The following CCDC57 variants were observed in gnomAD, a reference collection of about 807,000 sequenced individuals.
The protein encoded by CCDC57 is coiled-coil domain-containing protein 57.
A neutral mutation model predicts 118.9 loss-of-function variants in CCDC57; 118 were observed. That is an observed-to-expected ratio of 0.99 (90% CI 0.86 to 1.16). The LOEUF (loss-of-function observed/expected upper bound fraction) is 1.16. CCDC57 is among the 50% of genes most tolerant of loss of function. The probability of loss-of-function intolerance (pLI) is 0.00; values close to 1 mark genes in which losing one functional copy is unlikely to be tolerated. For missense variants in CCDC57, 1,300 were observed against 1,320.7 expected (o/e 0.98, Z 0.24); for synonymous variants, 527 against 532.9 (o/e 0.99, Z 0.15).
rs528014880 is a variant in CCDC57, at chr17:82,198,573, C to A, written c.408-151G>T. ...ACCCACGGGGTAGCAGAACTTCCAG[C>A]CCCACCTGGACCAGCATGCTACACC... On this transcript the variant is annotated intron_variant, in intron 3 of 19. Transcript: ENST00000665763. The A allele has an allele frequency of 2.5e-4, 149 of 597,194 alleles. 1 individual carries two copies. In the South Asian group the frequency reaches 2.7e-3, roughly 11 times the overall value. The allele number at this position is 597,194 out of a possible 1,614,324, so 37.0% of individuals were successfully genotyped here.
At chr17:82,194,198 A>G (rs1161435703) in intron 5 of CCDC57, 59 bp from the exon 5 acceptor site, 10 of 1,547,418 alleles carry the variant, frequency 6.5e-6, no homozygotes, top group African/African-American at 1.4e-5. Flanking sequence ...CTGAGGCATT[A>G]GGGGTACATA....
At chr17:82,122,171 T>G (rs7212441) in intron 19 of CCDC57, among the ~76,000 whole-genome samples, 81,434 of 151,996 alleles carry the variant, frequency 0.54, 22,659 homozygotes, top group Non-Finnish European at 0.58. Context: ...CCTTCCTCCT[T>G]CAGAGCCTGT....
At chr17:82,123,697 T>C (rs910014003) in intron 19 of CCDC57, among the ~76,000 whole-genome samples, 1 of 152,074 alleles carries the variant, frequency 6.6e-6, no homozygotes, top group Non-Finnish European at 1.5e-5. Flanking sequence ...GTAAAAATAT[T>C]AGAAATCAGT....
rs569085318 is a variant in CCDC57 at position 82,151,744 on chromosome 17, G to A, written c.2271C>T (p.Ala757=). 1.4e-5 allele frequency: 21 copies of A among 1,550,074 alleles called. 1 individual carries two copies. Among genetic ancestry groups the A allele is most frequent in the South Asian group, 2.4e-5 (2 of 84,048 alleles). Reference sequence around the variant, plus strand: ...GCAGGAAAAGCTCCCCCTGGTCCTCGGCCTCCATAGGCCCTCTCTTGGTGA... The same window carrying A: ...GCAGGAAAAGCTCCCCCTGGTCCTCAGCCTCCATAGGCCCTCTCTTGGTGA... Residue 757 remains alanine, a synonymous_variant, in exon 16 of 20, where the codon GCC becomes GCT. Coordinates refer to ENST00000665763, the Ensembl canonical transcript of CCDC57.
chr17:82,160,873 C>CAA (rs55750984), intron 14 of CCDC57, among the ~76,000 whole-genome samples: 47 of 60,832 alleles, frequency 7.7e-4, no homozygotes, highest in African/African-American at 2.3e-3. Context: ...GACTCTGTCT[C>CAA]AAAAAAAAAA....
intron 5 of CCDC57, 63 bp from the exon 5 acceptor site, chr17:82,194,202 G>A: frequency 1.3e-6 from 2 of 1,492,310 alleles, no homozygotes; most frequent in Non-Finnish European, 1.8e-6. Flanking sequence ...GGCATTAGGG[G>A]TACATACTGC....
chr17:82,193,701 C>T (rs1568442159), intron 7 of CCDC57, 55 bp downstream of exon 6: 10 of 1,501,500 alleles, frequency 6.7e-6, no homozygotes, highest in Middle Eastern at 1.7e-4. Flanking sequence ...TTCCACTTCC[C>T]TCCTCTCCTG....
At position 82,118,640 on chromosome 17, in the gene CCDC57, T is replaced by C. The variant is rs62079994; in HGVS notation, c.2899+9052A>G. The stretch of plus-strand genomic sequence containing the variant: ...AGGGGGTCGGCTTCAGAAGCAGGTA[T>C]TTCTTTGGGGTGAGGTCAGACATCT... On this transcript the variant is annotated intron_variant, in intron 19 of 19. Coordinates refer to ENST00000665763, the Ensembl canonical transcript of CCDC57. The surrounding 1 kb of genome is among the most constrained non-coding windows in gnomAD (Gnocchi z 4.7). 0.53 allele frequency among the ~76,000 whole-genome samples: 80,391 copies of C among 151,688 alleles called. 22,086 individuals carry two copies. Among genetic ancestry groups the C allele is most frequent in the African/African-American group, 0.57 (23,716 of 41,332 alleles).
intron 14 of CCDC57, among the ~76,000 whole-genome samples, chr17:82,159,406 T>G (rs2043051589): frequency 6.6e-6 from 1 of 152,200 alleles, no homozygotes; most frequent in Non-Finnish European, 1.5e-5. Context: ...CACGGGCACA[T>G]GGATCTTCAA....
intron 7 of CCDC57, among the ~76,000 whole-genome samples, chr17:82,190,101 C>CTT (rs1281780567): frequency 3.7e-5 from 3 of 82,180 alleles, no homozygotes; most frequent in Admixed American, 2.7e-4. Flanking sequence ...TATAGAGTGA[C>CTT]CTCTCAAGGT....
intron 19 of CCDC57, among the ~76,000 whole-genome samples, chr17:82,104,088 T>C (rs74651244): frequency 1.2e-4 from 19 of 152,340 alleles, no homozygotes; most frequent in Non-Finnish European, 2.1e-4. Context: ...TGACTCCCTG[T>C]GACCCCGGAT....
At chr17:82,152,869 T>C (rs538764366) in intron 15 of CCDC57, among the ~76,000 whole-genome samples, 2 of 152,340 alleles carry the variant, frequency 1.3e-5, no homozygotes, top group African/African-American at 4.8e-5. Flanking sequence ...CCTCCGGGCA[T>C]GTGCCGCAGG....
chr17:82,182,743 T>C (rs1415767588), intron 9 of CCDC57, among the ~76,000 whole-genome samples: 4 of 151,914 alleles, frequency 2.6e-5, no homozygotes, highest in Non-Finnish European at 5.9e-5. Context: ...TGGAATGCAG[T>C]GGCACGATCT....
At chr17:82,122,524 T>C (rs892665741) in intron 19 of CCDC57, among the ~76,000 whole-genome samples, 2 of 134,602 alleles carry the variant, frequency 1.5e-5, no homozygotes, top group Admixed American at 1.4e-4. Context: ...CAGGCCTGGG[T>C]TCCTCAGCTG....
intron 19 of CCDC57, chr17:82,105,034 G>C (rs2034745857): frequency 6.6e-6 from 1 of 152,450 alleles, no homozygotes; most frequent in South Asian, 2.1e-4. Flanking sequence ...TCTTGACCAA[G>C]TTGGCCTCTG....
chr17:82,181,584 T>A (rs2046216035), intron 9 of CCDC57, among the ~76,000 whole-genome samples: 1 of 152,060 alleles, frequency 6.6e-6, no homozygotes, highest in Non-Finnish European at 1.5e-5. Context: ...TAGAAAAAAA[T>A]GTAGCTCTCT....
intron 16 of CCDC57, among the ~76,000 whole-genome samples, chr17:82,140,169 T>C (rs936749274): frequency 2.6e-5 from 4 of 152,124 alleles, no homozygotes; most frequent in African/African-American, 9.7e-5. Flanking sequence ...CACTGCAAGC[T>C]CCGCCTCCCC....
rs946761913 is a variant in CCDC57 at position 82,127,054 on chromosome 17, C to T, written c.2899+638G>A. ...ACCCATGCAGTCCTCACAAGGTGCACCCTTCAAACAGACTTTTCTGAAAAC... is the reference window on the plus strand; with the variant it reads ...ACCCATGCAGTCCTCACAAGGTGCATCCTTCAAACAGACTTTTCTGAAAAC... On this transcript the variant is annotated intron_variant, in intron 19 of 19. Transcript: ENST00000665763. 14 of 985,320 alleles carry T rather than the reference C, an allele frequency of 1.4e-5. No individual in the cohort carries two copies. The Admixed American group carries it at 5.5e-4, about 39-fold the overall frequency. 61.0% of individuals were successfully genotyped at this position (985,320 alleles called of 1,614,324 possible).
intron 7 of CCDC57, among the ~76,000 whole-genome samples, chr17:82,190,768 A>G (rs1044060987): frequency 2.0e-5 from 3 of 151,472 alleles, no homozygotes; most frequent in African/African-American, 7.3e-5. Context: ...CCATGAGTTC[A>G]ACAGCAAGGT....
Sources: allele counts gnomAD v4.1 joint callset (sites outside exome capture counted in the v4.1 genomes callset), GRCh38; gene constraint gnomAD v4.1.1; non-coding constraint Gnocchi (gnomAD v3.1); transcripts MANE v1.5; gene names NCBI Gene and HGNC (gene_info 2026-07-23, HGNC 2026-07-21).